TAF4: variants seen among roughly 807,000 people sequenced by gnomAD.
The protein encoded by TAF4 is transcription initiation factor TFIID subunit 4.
TAF4 carries 9 observed loss-of-function variants against 90.3 expected under a neutral mutation model. The observed-to-expected ratio is 0.10, with a 90% CI of 0.06 to 0.17. The LOEUF is 0.17. TAF4 is among the 10% of genes least tolerant of loss of function. The pLI, the probability that TAF4 is intolerant of heterozygous loss-of-function variation, is 1.00. For synonymous variants in TAF4, 818 were observed against 638.9 expected, an observed-to-expected ratio of 1.28 and a Z score of -4.23; for missense variants, 1,351 against 1,370.7, an observed-to-expected ratio of 0.99 and a Z score of 0.23.
At position 61,975,517 on chromosome 20, in the gene TAF4, A is replaced by T. The variant is rs2055487498; in HGVS notation, c.*651T>A. On this transcript the variant is annotated 3_prime_UTR_variant, in exon 15 of 15. Transcript: ENST00000252996. Reference sequence around the variant, plus strand: ...ATAAAATGCATTTGTACAGATGCTGACCACACATTCAGAAGGAGCCACCTT... The same window carrying T: ...ATAAAATGCATTTGTACAGATGCTGTCCACACATTCAGAAGGAGCCACCTT... 6.6e-6 allele frequency: 1 copy of T among 152,418 alleles called. No individual in the cohort carries two copies. Among genetic ancestry groups the T allele is most frequent in the Non-Finnish European group, 1.5e-5 (1 of 68,212 alleles). The allele number at this position is 152,418 out of a possible 1,614,324, so 9.4% of individuals were successfully genotyped here.
chr20:62,036,914 T>C (rs1371574820), intron 1 of TAF4, among the ~76,000 whole-genome samples: 2 of 152,216 alleles, frequency 1.3e-5, no homozygotes, highest in Non-Finnish European at 2.9e-5. Flanking sequence ...AAAGAGCCTG[T>C]CCCACAGCTG....
intron 1 of TAF4, among the ~76,000 whole-genome samples, chr20:62,020,483 G>A (rs1009925817): frequency 3.3e-5 from 5 of 152,340 alleles, no homozygotes; most frequent in East Asian, 1.9e-4. Flanking sequence ...CTTCTAGAAC[G>A]CTAAACTCTT....
chr20:61,983,832 A>G (rs1431935327), intron 14 of TAF4, among the ~76,000 whole-genome samples: 2 of 152,182 alleles, frequency 1.3e-5, no homozygotes, highest in Non-Finnish European at 2.9e-5. Context: ...AGAGACACGG[A>G]AAACAAAGTG....
rs369919381 is a variant in TAF4, at chr20:62,047,621, G to A, written c.1360+16830C>T. Among the ~76,000 whole-genome samples the A allele has an allele frequency of 5.9e-5, 9 of 152,178 alleles. No homozygotes were observed. In the East Asian group the frequency reaches 7.7e-4, roughly 13 times the overall value. On this transcript the variant is annotated intron_variant, in intron 1 of 14. Transcript: ENST00000252996. Reference sequence around the variant, plus strand: ...GGCCACACTCAGGACAGCGCTAGAGGCACCATCACACTGGAAATAGCATAA... The same window carrying A: ...GGCCACACTCAGGACAGCGCTAGAGACACCATCACACTGGAAATAGCATAA...
chr20:62,051,067 G>A (rs1380182482), intron 1 of TAF4, among the ~76,000 whole-genome samples: 2 of 152,212 alleles, frequency 1.3e-5, no homozygotes, highest in African/African-American at 4.8e-5. Context: ...GGTTCAGAAA[G>A]GGAGGAAATC....
chr20:62,044,974 G>T (rs1053720383), intron 1 of TAF4, among the ~76,000 whole-genome samples: 1 of 152,156 alleles, frequency 6.6e-6, no homozygotes, highest in African/African-American at 2.4e-5. Context: ...GTCCGACATG[G>T]CAATGGACAA....
At chr20:61,990,074 G>T (rs182335483) in intron 14 of TAF4, among the ~76,000 whole-genome samples, 2 of 152,310 alleles carry the variant, frequency 1.3e-5, no homozygotes, top group East Asian at 3.9e-4. Context: ...TGCTATGCTG[G>T]GGGTGGTAGC....
chr20:62,026,069 G>T (rs1196856644), intron 1 of TAF4, among the ~76,000 whole-genome samples: 2 of 152,120 alleles, frequency 1.3e-5, no homozygotes, highest in African/African-American at 4.8e-5. Context: ...AACCCTCCCG[G>T]CAAAAAATAA....
intron 1 of TAF4, among the ~76,000 whole-genome samples, chr20:62,030,068 T>G (rs2055896406): frequency 1.3e-5 from 2 of 151,724 alleles, no homozygotes; most frequent in Non-Finnish European, 2.9e-5. Flanking sequence ...AGACGCACAA[T>G]GCCAGCGCTG....
At chr20:61,978,570 C>T (rs1327409864) in intron 14 of TAF4, among the ~76,000 whole-genome samples, 1 of 151,380 alleles carries the variant, frequency 6.6e-6, no homozygotes, top group East Asian at 2.0e-4. Flanking sequence ...GGGGTGAGAC[C>T]AACCAAGGCC....
intron 14 of TAF4, among the ~76,000 whole-genome samples, chr20:61,992,281 G>A (rs1258332486): frequency 6.6e-6 from 1 of 152,128 alleles, no homozygotes; most frequent in Non-Finnish European, 1.5e-5. Context: ...ATACAAAACG[G>A]GGCCAAGGGA....
chr20:62,000,235 C>T lies in TAF4; in HGVS notation c.2676G>A (p.Thr892=). Reference sequence around the variant, plus strand: ...AACTTACTACATCTGGATGTAATTCCGTTATACCATGTTTTTTACCTAAAG... The same window carrying T: ...AACTTACTACATCTGGATGTAATTCTGTTATACCATGTTTTTTACCTAAAG... ...ILEIGKKHGI[T]ELHPDVVSYV... The change falls in exon 11 of 15, where the codon ACG becomes ACA. Residue 892 remains threonine, a synonymous_variant. Transcript: ENST00000252996. 1.9e-6 allele frequency: 3 copies of T among 1,613,872 alleles called. No homozygotes were observed. Among genetic ancestry groups the T allele is most frequent in the Non-Finnish European group, 2.5e-6 (3 of 1,179,830 alleles).
chr20:61,980,185 C>G (rs897566852), intron 14 of TAF4: 1 of 152,298 alleles, frequency 6.6e-6, no homozygotes, highest in Non-Finnish European at 1.5e-5. Flanking sequence ...TCAAAAGGAT[C>G]AAATGAAAGG....
At chr20:62,019,929 G>A (rs546469064) in intron 1 of TAF4, among the ~76,000 whole-genome samples, 3 of 152,314 alleles carry the variant, frequency 2.0e-5, no homozygotes, top group South Asian at 2.1e-4. Context: ...GCCGCAGGCC[G>A]CCCCGCACTC....
chr20:62,048,478 T>A (rs1246725568), intron 1 of TAF4, among the ~76,000 whole-genome samples: 1 of 152,036 alleles, frequency 6.6e-6, no homozygotes, highest in Non-Finnish European at 1.5e-5. Flanking sequence ...GTCCCCAGGG[T>A]GGACCCTGCT....
intron 1 of TAF4, among the ~76,000 whole-genome samples, chr20:62,038,221 G>T (rs985855536): frequency 6.6e-6 from 1 of 151,966 alleles, no homozygotes; most frequent in Non-Finnish European, 1.5e-5. Flanking sequence ...TAGAGACAGG[G>T]TTTCACAGTG....
chr20:62,001,016 G>A (rs765120865), intron 9 of TAF4, among the ~76,000 whole-genome samples: 43 of 152,360 alleles, frequency 2.8e-4, no homozygotes, highest in Middle Eastern at 3.4e-3. Context: ...GGAGCAGCGC[G>A]GGGACTTGTG....
chr20:62,029,798 T>C (rs1342344738), intron 1 of TAF4, among the ~76,000 whole-genome samples: 2 of 151,936 alleles, frequency 1.3e-5, no homozygotes, highest in African/African-American at 2.4e-5. Flanking sequence ...CCCAGCTACT[T>C]GGGAGGCTGA....
chr20:62,044,600 CTCA>C (rs1207627090), intron 1 of TAF4, among the ~76,000 whole-genome samples: 1 of 152,160 alleles, frequency 6.6e-6, no homozygotes, highest in African/African-American at 2.4e-5. Context: ...AAACTTTACT[CTCA>C]TGTTATTGTT....
Sources: allele counts gnomAD v4.1 joint callset (sites outside exome capture counted in the v4.1 genomes callset), GRCh38; gene constraint gnomAD v4.1.1; transcripts MANE v1.5; gene names NCBI Gene and HGNC (gene_info 2026-07-23, HGNC 2026-07-21).